The following NAALADL2 variants were observed in gnomAD, a reference collection of about 807,000 sequenced individuals.
The protein encoded by NAALADL2 is N-acetylated alpha-linked acidic dipeptidase like 2, also known as inactive N-acetylated-alpha-linked acidic dipeptidase-like protein 2.
NAALADL2 carries 76 observed loss-of-function variants against 87.2 expected under a neutral mutation model. The ratio of observed to expected loss-of-function variants is 0.87; its 90% CI spans 0.72 to 1.05. The LOEUF (loss-of-function observed/expected upper bound fraction) is 1.05. Ranked by LOEUF, NAALADL2 falls within the 50% of genes least tolerant of loss-of-function variation. The pLI is 0.00. For synonymous variants in NAALADL2, 354 were observed against 331.0 expected, an observed-to-expected ratio of 1.07 and a Z score of -0.75; for missense variants, 1,089 against 945.8, an observed-to-expected ratio of 1.15 and a Z score of -1.99.
chr3:174,935,365 C>G (rs1410500109), intron 1 of NAALADL2, among the ~76,000 whole-genome samples: 1 of 152,156 alleles, frequency 6.6e-6, no homozygotes, highest in East Asian at 1.9e-4. Flanking sequence ...AATAAAAAAT[C>G]CTGGTTCATG....
At chr3:174,573,295 T>G (rs1715141023) in intron 2 of NAALADL2, among the ~76,000 whole-genome samples, 1 of 152,116 alleles carries the variant, frequency 6.6e-6, no homozygotes, top group Non-Finnish European at 1.5e-5. Context: ...AGAGATATGG[T>G]CTTACTCTGT....
chr3:175,273,287 A>G (rs78184853), intron 4 of NAALADL2, among the ~76,000 whole-genome samples: 6,955 of 152,212 alleles, frequency 0.046, 325 homozygotes, highest in African/African-American at 0.11. Context: ...ATCTCCACAC[A>G]TATGCCTACA....
At chr3:175,661,747 A>G (rs1427640426) in intron 11 of NAALADL2, among the ~76,000 whole-genome samples, 1 of 151,894 alleles carries the variant, frequency 6.6e-6, no homozygotes, top group African/African-American at 2.4e-5. Context: ...TATTGAAAAT[A>G]TTGTCTTTTC....
chr3:174,482,323 C>T (rs1309228694), intron 1 of NAALADL2, among the ~76,000 whole-genome samples: 3 of 151,966 alleles, frequency 2.0e-5, no homozygotes, highest in African/African-American at 4.8e-5. Flanking sequence ...CTGACATTTT[C>T]GGCTTGAGAA....
intron 1 of NAALADL2, among the ~76,000 whole-genome samples, chr3:174,944,623 C>CT (rs1739133771): frequency 6.6e-6 from 1 of 152,148 alleles, no homozygotes; most frequent in Admixed American, 6.5e-5. Context: ...GTTGCAGATT[C>CT]TTTTGCCAGG....
Position 175,096,801 on chromosome 3 carries a change from G to T in NAALADL2, c.55G>T (p.Ala19Ser). 6.6e-7 allele frequency: 1 copy of T among 1,503,780 alleles called. No individual in the cohort carries two copies. The highest frequency in any genetic ancestry group is 8.9e-7 in the Non-Finnish European group (1 of 1,126,824). The allele number at this position is 1,503,780 out of a possible 1,614,324, so 93.2% of individuals were successfully genotyped here. A position where few individuals can be genotyped will look rare whatever the true frequency, so the allele number is the denominator to read the frequency against. Residue 19 changes from alanine (A) to serine (S), a missense_variant, in exon 2 of 14, where the codon GCC becomes TCC. Ala to Ser is a moderately conservative substitution (Grantham distance 99). Transcript: ENST00000454872. ...PNTSLQGKKM[A>S]YQKVHADQRA... is the part of the protein sequence containing the mutation. The stretch of plus-strand genomic sequence containing the variant: ...TCTTATTTTCACAGGTAAAAAGATG[G>T]CCTATCAGAAGGTCCATGCAGATCA...
At chr3:175,228,606 T>C (rs1335044863) in intron 2 of NAALADL2, among the ~76,000 whole-genome samples, 1 of 151,928 alleles carries the variant, frequency 6.6e-6, no homozygotes, top group Non-Finnish European at 1.5e-5. Flanking sequence ...GAAAGAGCTG[T>C]GATTCAAAGA....
At chr3:174,557,275 A>G (rs1712949004) in intron 2 of NAALADL2, among the ~76,000 whole-genome samples, 1 of 152,122 alleles carries the variant, frequency 6.6e-6, no homozygotes, top group South Asian at 2.1e-4. Context: ...ACCTTGACTT[A>G]AAAAAATACA....
chr3:175,173,284 T>C (rs1159881059), intron 2 of NAALADL2, among the ~76,000 whole-genome samples: 1 of 149,134 alleles, frequency 6.7e-6, no homozygotes, highest in African/African-American at 2.5e-5. Context: ...ACAGCGAGAC[T>C]CCGTTTCAAA....
At chr3:175,233,815 TC>T in intron 2 of NAALADL2, 115 bp from the exon 3 acceptor site, 1 of 642,832 alleles carries the variant, frequency 1.6e-6, no homozygotes, top group Non-Finnish European at 2.7e-6. Context: ...CCTGTCTCAT[TC>T]ATCTTTCAAT....
intron 6 of NAALADL2, among the ~76,000 whole-genome samples, chr3:175,453,629 G>T (rs940718377): frequency 6.6e-6 from 1 of 152,078 alleles, no homozygotes; most frequent in South Asian, 2.1e-4. Flanking sequence ...ATAAGCAACT[G>T]AATTTTCATT....
At chr3:174,860,824 T>C (rs1726398234) in intron 1 of NAALADL2, among the ~76,000 whole-genome samples, 1 of 152,116 alleles carries the variant, frequency 6.6e-6, no homozygotes, top group Non-Finnish European at 1.5e-5. Context: ...TTGTTGTTTC[T>C]TTCTTTTTCT....
intron 3 of NAALADL2, among the ~76,000 whole-genome samples, chr3:174,747,424 C>A (rs1578768644): frequency 6.6e-6 from 1 of 151,414 alleles, no homozygotes; most frequent in Non-Finnish European, 1.5e-5. Flanking sequence ...AAAGTCAAGA[C>A]CAGCCTGACC....
chr3:175,438,303 A>T (rs1472744788), intron 5 of NAALADL2, among the ~76,000 whole-genome samples: 4 of 152,144 alleles, frequency 2.6e-5, no homozygotes, highest in Admixed American at 2.0e-4. Flanking sequence ...ATAATAAAGG[A>T]TCAGCTGTAT....
At chr3:175,127,813 G>C (rs6776923) in intron 2 of NAALADL2, among the ~76,000 whole-genome samples, 79,096 of 151,792 alleles carry the variant, frequency 0.52, 20,684 homozygotes, top group East Asian at 0.63. Flanking sequence ...GAGCTCAGGA[G>C]TTTGAGACCA....
intron 2 of NAALADL2, among the ~76,000 whole-genome samples, chr3:174,569,814 A>G (rs13059753): frequency 0.25 from 38,632 of 151,956 alleles, 6,244 homozygotes; most frequent in East Asian, 0.75. Context: ...AGTTTTGGGA[A>G]TTGTTTAGCC....
chr3:175,112,846 A>G (rs925439016), intron 2 of NAALADL2, among the ~76,000 whole-genome samples: 1 of 151,630 alleles, frequency 6.6e-6, no homozygotes, highest in African/African-American at 2.4e-5. Flanking sequence ...GGAGAGAAGC[A>G]TATAAATTCT....
intron 4 of NAALADL2, among the ~76,000 whole-genome samples, chr3:175,259,864 C>T (rs1750715142): frequency 1.3e-5 from 2 of 152,040 alleles, no homozygotes. Context: ...CCTGTCTCTA[C>T]CAAAAATTCA....
intron 1 of NAALADL2, among the ~76,000 whole-genome samples, chr3:174,939,617 A>G (rs1304461755): frequency 1.3e-5 from 2 of 152,070 alleles, no homozygotes; most frequent in Non-Finnish European, 2.9e-5. Context: ...CATTTTAATA[A>G]TAGTCATTCT....
Sources: allele counts gnomAD v4.1 joint callset (sites outside exome capture counted in the v4.1 genomes callset), GRCh38; gene constraint gnomAD v4.1.1; transcripts MANE v1.5; gene names NCBI Gene and HGNC (gene_info 2026-07-23, HGNC 2026-07-21).